The following CRPPA variants were observed in gnomAD, a reference collection of about 807,000 sequenced individuals.
CRPPA encodes the protein D-ribitol-5-phosphate cytidylyltransferase.
Under a neutral mutation model 52.0 loss-of-function variants are expected in CRPPA, and 43 were observed. The ratio of observed to expected loss-of-function variants is 0.83; its 90% confidence interval spans 0.65 to 1.07. The LOEUF (loss-of-function observed/expected upper bound fraction) is 1.07. CRPPA is among the 50% of genes least tolerant of loss of function. The pLI is 0.00. For missense variants in CRPPA, 629 were observed against 551.7 expected (o/e 1.14, Z -1.40); for synonymous variants, 250 against 203.5 (o/e 1.23, Z -1.94).
intron 3 of CRPPA, among the ~76,000 whole-genome samples, chr7:16,337,256 T>G (rs1442873007): frequency 6.6e-6 from 1 of 152,152 alleles, no homozygotes; most frequent in Non-Finnish European, 1.5e-5. Flanking sequence ...TGAAATCTTC[T>G]TAAGTATTTT....
intron 3 of CRPPA, among the ~76,000 whole-genome samples, chr7:16,341,313 T>C (rs1362698109): frequency 6.6e-6 from 1 of 151,274 alleles, no homozygotes. Flanking sequence ...ACCACTCTGG[T>C]AGGGGATATT....
At chr7:16,215,535 C>G (rs1782281024) in intron 9 of CRPPA, among the ~76,000 whole-genome samples, 1 of 152,124 alleles carries the variant, frequency 6.6e-6, no homozygotes, top group Non-Finnish European at 1.5e-5. Context: ...GTACCATGCC[C>G]TCTTATAATC....
At chr7:16,297,733 C>T (rs1354165073) in intron 5 of CRPPA, among the ~76,000 whole-genome samples, 2 of 152,320 alleles carry the variant, frequency 1.3e-5, no homozygotes, top group East Asian at 3.9e-4. Flanking sequence ...TTTATTACTG[C>T]ATTTAGCATA....
At chr7:16,253,575 T>C (rs1310739839) in intron 8 of CRPPA, among the ~76,000 whole-genome samples, 1 of 152,188 alleles carries the variant, frequency 6.6e-6, no homozygotes, top group Non-Finnish European at 1.5e-5. Flanking sequence ...AAAGGATGTA[T>C]ATTCTGTTGA....
At chr7:16,124,889 C>T (rs17359294) in intron 9 of CRPPA, among the ~76,000 whole-genome samples, 1 of 151,688 alleles carries the variant, frequency 6.6e-6, no homozygotes, top group East Asian at 1.9e-4. Flanking sequence ...ATATAATCTC[C>T]TATTTTCATT....
intron 9 of CRPPA, among the ~76,000 whole-genome samples, chr7:16,178,271 A>G (rs1446574075): frequency 1.3e-5 from 2 of 152,130 alleles, no homozygotes; most frequent in Middle Eastern, 3.2e-3. Flanking sequence ...ACAAATGACC[A>G]TACAGCAATT....
At chr7:16,347,263 A>G (rs1475253291) in intron 3 of CRPPA, among the ~76,000 whole-genome samples, 3 of 152,164 alleles carry the variant, frequency 2.0e-5, no homozygotes, top group Non-Finnish European at 2.9e-5. Context: ...TCAGAGTTCT[A>G]TGACTCTATT....
At chr7:16,101,572 T>A (rs1396603648) in intron 9 of CRPPA, among the ~76,000 whole-genome samples, 1 of 152,088 alleles carries the variant, frequency 6.6e-6, no homozygotes, top group South Asian at 2.1e-4. Context: ...TAGTGGTCTA[T>A]CTAGTTTGTT....
chr7:16,388,498 A>C (rs1787353731), intron 2 of CRPPA, among the ~76,000 whole-genome samples: 1 of 152,208 alleles, frequency 6.6e-6, no homozygotes, highest in South Asian at 2.1e-4. Context: ...AGAAGAACTA[A>C]AATTAAAACA....
intron 5 of CRPPA, among the ~76,000 whole-genome samples, chr7:16,294,550 A>G (rs562007617): frequency 6.6e-6 from 1 of 152,046 alleles, no homozygotes; most frequent in Non-Finnish European, 1.5e-5. Context: ...TACTAATTCA[A>G]GTTTGACACA....
intron 2 of CRPPA, among the ~76,000 whole-genome samples, chr7:16,385,205 A>C (rs1166575613): frequency 6.6e-6 from 1 of 152,122 alleles, no homozygotes; most frequent in African/African-American, 2.4e-5. Context: ...TTGTATTGGG[A>C]GTACCAAAAG....
At position 16,089,699 on chromosome 7, in the gene CRPPA, A is replaced by T. The variant is rs1465229282; in HGVS notation, c.*1996T>A. On this transcript the variant is annotated 3_prime_UTR_variant, in exon 10 of 10. Coordinates refer to ENST00000407010, the MANE Select transcript of CRPPA (RefSeq NM_001101426.4). Reference sequence around the variant, plus strand: ...TGAAGGACCAAATGCTATTTTTTCCAGGCACAACTTAATATTTTATTAACT... The same window carrying T: ...TGAAGGACCAAATGCTATTTTTTCCTGGCACAACTTAATATTTTATTAACT... 5.0e-6 allele frequency: 1 copy of T among 198,050 alleles called. No individual in the cohort carries two copies. Among genetic ancestry groups the T allele is most frequent in the Non-Finnish European group, 1.1e-5 (1 of 91,112 alleles). 12.3% of individuals were successfully genotyped at this position (198,050 alleles called of 1,614,324 possible). A position where few individuals can be genotyped will look rare whatever the true frequency, so the allele number is the denominator to read the frequency against.
At chr7:16,254,444 T>C (rs2128410893) in intron 8 of CRPPA, among the ~76,000 whole-genome samples, 1 of 152,150 alleles carries the variant, frequency 6.6e-6, no homozygotes, top group Non-Finnish European at 1.5e-5. Context: ...TGTAGGGACA[T>C]GGATGAAGCT....
chr7:16,123,495 C>T (rs1326450549), intron 9 of CRPPA, among the ~76,000 whole-genome samples: 1 of 152,118 alleles, frequency 6.6e-6, no homozygotes, highest in Admixed American at 6.5e-5. Flanking sequence ...CATTCATTTT[C>T]ACATTAACCA....
chr7:16,398,723 G>C (rs546009223), intron 2 of CRPPA, among the ~76,000 whole-genome samples: 2 of 152,186 alleles, frequency 1.3e-5, no homozygotes, highest in African/African-American at 2.4e-5. Flanking sequence ...TGGGTGACAC[G>C]TGACCAACAC....
chr7:16,254,084 A>C (rs1163562276), intron 8 of CRPPA, among the ~76,000 whole-genome samples: 2 of 152,140 alleles, frequency 1.3e-5, no homozygotes, highest in African/African-American at 2.4e-5. Flanking sequence ...AAAGTCAGGA[A>C]ACAACAGATG....
intron 3 of CRPPA, among the ~76,000 whole-genome samples, chr7:16,321,769 A>C (rs1449273380): frequency 2.0e-5 from 3 of 152,190 alleles, no homozygotes; most frequent in African/African-American, 7.2e-5. Context: ...AGTTAAAAAT[A>C]TATGCCCAGT....
At chr7:16,117,872 C>A (rs1431183624) in intron 9 of CRPPA, among the ~76,000 whole-genome samples, 2 of 152,186 alleles carry the variant, frequency 1.3e-5, no homozygotes, top group Admixed American at 1.3e-4. Context: ...CAACATTGCA[C>A]TTGTGTTATT....
At chr7:16,270,514 T>C (rs1784066804) in intron 6 of CRPPA, 1 of 152,190 alleles carries the variant, frequency 6.6e-6, no homozygotes, top group East Asian at 1.9e-4. Context: ...CTTCTTCAAC[T>C]AGGTGGTCTA....
Sources: allele counts gnomAD v4.1 joint callset (sites outside exome capture counted in the v4.1 genomes callset), GRCh38; gene constraint gnomAD v4.1.1; transcripts MANE v1.5; gene names NCBI Gene and HGNC (gene_info 2026-07-23, HGNC 2026-07-21).